The following BLACAT1 variants were observed in gnomAD, a reference collection of about 807,000 sequenced individuals.
The protein encoded by BLACAT1 is bladder cancer associated transcript 1.
intron 1 of BLACAT1, among the ~76,000 whole-genome samples, chr1:205,454,210 G>T (rs1439136278): frequency 6.6e-6 from 1 of 152,242 alleles, no homozygotes; most frequent in East Asian, 1.9e-4. Flanking sequence ...AGGCAGTCCA[G>T]TGGGAAGACA....
At chr1:205,437,398 G>A (rs188989315), downstream of BLACAT1, 8 of 152,492 alleles carry the variant, frequency 5.2e-5, no homozygotes, top group African/African-American at 1.4e-4. Flanking sequence ...GGCCTAGACA[G>A]GACCTGGAGT....
Position 205,441,480 on chromosome 1 carries a change from G to A in BLACAT1, c.-36-418C>T, listed in dbSNP as rs1666293315. Among the ~76,000 whole-genome samples, 1 of 152,266 alleles carries A rather than the reference G, an allele frequency of 6.6e-6. No homozygotes were observed. The highest frequency in any genetic ancestry group is 2.1e-4 in the South Asian group (1 of 4,830). The stretch of plus-strand genomic sequence containing the variant: ...AGGTTCTAGCTGGGGGCTTCCACTC[G>A]CTTCTGCAGGTTGCACACACGACAG... On this transcript the variant is annotated intron_variant, in intron 1 of 1. Coordinates refer to ENST00000629624, the Ensembl canonical transcript of BLACAT1. The surrounding 1 kb of genome is among the most constrained non-coding windows in gnomAD (Gnocchi z 4.3).
chr1:205,443,609 A>G (rs1014389604), intron 1 of BLACAT1, among the ~76,000 whole-genome samples: 4 of 152,120 alleles, frequency 2.6e-5, no homozygotes, highest in African/African-American at 9.7e-5. Flanking sequence ...TGTATCTAAG[A>G]GTAGAAAGTA....
rs144385033 is a variant in BLACAT1, at chr1:205,452,988, A to AT, written c.-37+2928dup. Among the ~76,000 whole-genome samples the AT allele has an allele frequency of 4.7e-3, 717 of 152,242 alleles. 2 individuals are homozygous for AT. The highest frequency in any genetic ancestry group is 0.016 in the African/African-American group (679 of 41,560). On this transcript the variant is annotated intron_variant, in intron 1 of 1. Transcript: ENST00000629624. Reference sequence around the variant, plus strand: ...CTTGGTGTGTGCTTGGAGCTCCCTTATGCCTGTCCCCTCAGGGAAGAGAGT... The same window carrying AT: ...CTTGGTGTGTGCTTGGAGCTCCCTTATTGCCTGTCCCCTCAGGGAAGAGAGT...
intron 1 of BLACAT1, among the ~76,000 whole-genome samples, chr1:205,451,310 G>A (rs1666494170): frequency 6.6e-6 from 1 of 152,144 alleles, no homozygotes; most frequent in Non-Finnish European, 1.5e-5. Context: ...CCTACCACCA[G>A]TGGCCTCCTC....
chr1:205,440,080 A>C (rs1666268126), exon 2 of BLACAT1, among the ~76,000 whole-genome samples: 2 of 152,114 alleles, frequency 1.3e-5, no homozygotes, highest in South Asian at 4.1e-4. Context: ...AGGAGAGAAG[A>C]AAAAGGCAGG....
chr1:205,451,415 C>T (rs1666495864), intron 1 of BLACAT1, among the ~76,000 whole-genome samples: 1 of 152,206 alleles, frequency 6.6e-6, no homozygotes, highest in Non-Finnish European at 1.5e-5. Flanking sequence ...CCCATTCTTC[C>T]TGCCGCAGGC....
At chr1:205,445,427 CCTT>C (rs1428869956) in intron 1 of BLACAT1, among the ~76,000 whole-genome samples, 2 of 152,252 alleles carry the variant, frequency 1.3e-5, no homozygotes, top group African/African-American at 2.4e-5. Context: ...GAGGTTAACT[CCTT>C]CTTGGCCTGC....
chr1:205,449,210 T>C (rs904831106), intron 1 of BLACAT1, among the ~76,000 whole-genome samples: 40 of 152,146 alleles, frequency 2.6e-4, no homozygotes, highest in African/African-American at 9.2e-4. Flanking sequence ...ATTGAAGAGC[T>C]GAGTTAAGGC....
At chr1:205,435,265 T>C (rs984189945), downstream of BLACAT1, 3 of 152,170 alleles carry the variant, frequency 2.0e-5, no homozygotes, top group African/African-American at 7.2e-5. Context: ...GTGGGGAACG[T>C]TAGCACCATT....
chr1:205,443,295 G>A (rs766488831), intron 1 of BLACAT1, among the ~76,000 whole-genome samples: 29 of 152,102 alleles, frequency 1.9e-4, no homozygotes, highest in Non-Finnish European at 3.7e-4. Flanking sequence ...AGAGTGCATC[G>A]ATCCCCTTTC....
chr1:205,450,745 G>A lies in BLACAT1; in HGVS notation c.-37+5172C>T, dbSNP rs1666485506. 6.6e-6 allele frequency among the ~76,000 whole-genome samples: 1 copy of A among 152,198 alleles called. No homozygotes were observed. The highest frequency in any genetic ancestry group is 2.4e-5 in the African/African-American group (1 of 41,452). Reference sequence around the variant, plus strand: ...AAGCCCCAAGTAAGCTGTGGAAGTAGGGCATCTCTCTCTAAGGTGTGTCTG... The same window carrying A: ...AAGCCCCAAGTAAGCTGTGGAAGTAAGGCATCTCTCTCTAAGGTGTGTCTG... On this transcript the variant is annotated intron_variant, in intron 1 of 1. Transcript: ENST00000629624. The surrounding 1 kb of genome is among the most constrained non-coding windows in gnomAD (Gnocchi z 4.4).
At chr1:205,453,154 C>A (rs368571535) in intron 1 of BLACAT1, among the ~76,000 whole-genome samples, 64 of 152,270 alleles carry the variant, frequency 4.2e-4, no homozygotes, top group African/African-American at 1.2e-3. Context: ...CCCAAACAAG[C>A]CTGCAGATTC....
chr1:205,453,439 G>A (rs79520360), intron 1 of BLACAT1, among the ~76,000 whole-genome samples: 5,693 of 152,192 alleles, frequency 0.037, 163 homozygotes, highest in Non-Finnish European at 0.053. Flanking sequence ...CCAGCCCCCT[G>A]AGGTAAAGTG....
intron 1 of BLACAT1, among the ~76,000 whole-genome samples, chr1:205,449,002 T>C (rs1235998408): frequency 6.6e-6 from 1 of 152,128 alleles, no homozygotes. Flanking sequence ...ACACCCATTC[T>C]TGCATAGTTT....
rs562255641 is a variant in BLACAT1, at chr1:205,442,103, C to A, written c.-36-1041G>T. 1.8e-4 allele frequency among the ~76,000 whole-genome samples: 28 copies of A among 152,324 alleles called. No individual in the cohort carries two copies. The South Asian group carries it at 5.6e-3, about 30-fold the overall frequency. ...GAAAGGGAGCAGAAGTGCACTCAAG[C>A]CACTCAAGCGGAGAAGCTGAGAACA... On this transcript the variant is annotated intron_variant, in intron 1 of 1. Transcript: ENST00000629624.
intron 1 of BLACAT1, among the ~76,000 whole-genome samples, chr1:205,451,399 A>C (rs1316297261): frequency 6.6e-6 from 1 of 152,142 alleles, no homozygotes; most frequent in Non-Finnish European, 1.5e-5. Context: ...CTGCCCCAAC[A>C]GAGGCCCCAT....
intron 1 of BLACAT1, among the ~76,000 whole-genome samples, chr1:205,446,832 A>G (rs1316583195): frequency 2.6e-5 from 4 of 152,168 alleles, no homozygotes; most frequent in Admixed American, 6.5e-5. Context: ...TCCTTTCACC[A>G]TCTAAGCTGG....
In BLACAT1 at chr1:205,448,039, A is replaced by C. The variant is rs998808560; in HGVS notation, c.-36-6977T>G. Among the ~76,000 whole-genome samples the C allele has an allele frequency of 7.9e-5, 12 of 152,102 alleles. No homozygotes were observed. Among genetic ancestry groups the C allele is most frequent in the African/African-American group, 2.9e-4 (12 of 41,402 alleles). On this transcript the variant is annotated intron_variant, in intron 1 of 1. Transcript: ENST00000629624. This position sits in a 1 kb window ranked among gnomAD's most constrained non-coding sequence, Gnocchi z 4.7. ...TAATTTGGCAAGGGGGAAGGAACCG[A>C]CTCAGAAAGCTCAGCACACCCTGAA...
Sources: gnomAD v4.1 joint callset for allele counts (sites outside exome capture counted in the v4.1 genomes callset) on GRCh38, gnomAD v4.1.1 for gene constraint, Gnocchi (gnomAD v3.1) non-coding constraint, MANE v1.5 for transcripts, NCBI Gene and HGNC (gene_info 2026-07-23, HGNC 2026-07-21) for gene names.